Variants in DIPK2B observed in about 807,000 individuals in gnomAD.
DIPK2B encodes the protein UPF0672 protein CXorf36.
DIPK2B carries 15 observed loss-of-function variants against 22.2 expected under a neutral mutation model. The observed-to-expected ratio is 0.68, with a 90% CI of 0.45 to 1.04. DIPK2B has a LOEUF of 1.04. DIPK2B is among the 50% of genes least tolerant of loss of function. The probability of loss-of-function intolerance (pLI) is 0.00; values close to 1 mark genes in which losing one functional copy is unlikely to be tolerated. For synonymous variants in DIPK2B, 163 were observed against 153.2 expected, an observed-to-expected ratio of 1.06 and a Z score of -0.47; for missense variants, 345 against 348.3, an observed-to-expected ratio of 0.99 and a Z score of 0.08.
At chrX:45,184,356 G>T (rs764228630) in intron 2 of DIPK2B, among the ~76,000 whole-genome samples, 4 of 111,811 alleles carry the variant, frequency 3.6e-5, no homozygotes, top group African/African-American at 1.3e-4. Context: ...TGTATGATAC[G>T]GTAGATGACC....
chrX:45,200,487 G>T (rs973782091), intron 1 of DIPK2B, 107 bp downstream of exon 1: 1 of 754,696 alleles, frequency 1.3e-6, no homozygotes. Context: ...ATTTGTTTCA[G>T]CTCCCACCCA....
intron 2 of DIPK2B, among the ~76,000 whole-genome samples, chrX:45,180,642 C>T (rs1449884041): frequency 9.0e-6 from 1 of 111,546 alleles, no homozygotes; most frequent in African/African-American, 3.3e-5. Flanking sequence ...GTAAATTTAA[C>T]AAGATTGTTG....
intron 2 of DIPK2B, among the ~76,000 whole-genome samples, chrX:45,172,863 A>G (rs1337582206): frequency 2.7e-5 from 3 of 111,839 alleles, no homozygotes; most frequent in Non-Finnish European, 5.6e-5. Context: ...CAGGAAACCA[A>G]GTGCTTCTGA....
intron 2 of DIPK2B, among the ~76,000 whole-genome samples, chrX:45,172,323 A>G (rs1197686498): frequency 1.8e-5 from 2 of 111,880 alleles, no homozygotes; most frequent in Non-Finnish European, 3.8e-5. Context: ...GTAAGTGACC[A>G]TCTTAGCTGA....
At chrX:45,170,345 C>T (rs2047074344) in intron 2 of DIPK2B, among the ~76,000 whole-genome samples, 1 of 111,609 alleles carries the variant, frequency 9.0e-6, no homozygotes, top group African/African-American at 3.3e-5. Context: ...GGTGGCCAGG[C>T]CACTGGCACT....
At chrX:45,162,656 A>G (rs2148336337) in intron 2 of DIPK2B, 1 of 753,000 alleles carries the variant, frequency 1.3e-6, no homozygotes, top group South Asian at 6.8e-5. Context: ...GGAGTTTCTA[A>G]ATCACTTCTC....
chrX:45,175,473 A>C (rs769415695), intron 2 of DIPK2B, among the ~76,000 whole-genome samples: 1 of 108,899 alleles, frequency 9.2e-6, no homozygotes, highest in South Asian at 4.0e-4. Flanking sequence ...TAGAAAAAAG[A>C]CTAGAAGAAA....
chrX:45,193,881 T>C (rs775666313), intron 1 of DIPK2B, among the ~76,000 whole-genome samples: 77 of 110,898 alleles, frequency 6.9e-4, no homozygotes, highest in African/African-American at 2.5e-3. Flanking sequence ...CTGCAGCTGC[T>C]CCTGCTCATG....
At chrX:45,172,984 G>C (rs941896804) in intron 2 of DIPK2B, among the ~76,000 whole-genome samples, 2 of 111,567 alleles carry the variant, frequency 1.8e-5, no homozygotes, top group Non-Finnish European at 3.8e-5. Context: ...TGATTGTCAG[G>C]AAAACCCTCA....
chrX:45,162,227 C>T (rs985724321), intron 2 of DIPK2B: 1 of 245,336 alleles, frequency 4.1e-6, no homozygotes, highest in Non-Finnish European at 5.7e-6. Flanking sequence ...ACCACCCCAG[C>T]TGATGCCATG....
chrX:45,189,983 G>A (rs189217156), intron 2 of DIPK2B, among the ~76,000 whole-genome samples: 1 of 112,033 alleles, frequency 8.9e-6, no homozygotes, highest in East Asian at 2.8e-4. Flanking sequence ...TGCTGTTTTG[G>A]CAGAAAGAAG....
intron 1 of DIPK2B, among the ~76,000 whole-genome samples, chrX:45,200,208 C>A (rs2047260010): frequency 9.0e-6 from 1 of 111,511 alleles, no homozygotes; most frequent in Admixed American, 9.6e-5. Context: ...AGCTTACCAC[C>A]TCAATAATGG....
chrX:45,163,570 C>T, intron 2 of DIPK2B: 1 of 754,280 alleles, frequency 1.3e-6, no homozygotes. Context: ...AAAACATCAC[C>T]AGCAATCAGC....
At chrX:45,192,276 A>G (rs1241204146) in intron 1 of DIPK2B, among the ~76,000 whole-genome samples, 1 of 112,099 alleles carries the variant, frequency 8.9e-6, no homozygotes, top group Non-Finnish European at 1.9e-5. Flanking sequence ...AAGACTAGCC[A>G]TAGCTCTCTG....
In DIPK2B at chrX:45,186,906, G is replaced by A. The variant is rs190676332; in HGVS notation, c.498+4845C>T. Among the ~76,000 whole-genome samples the A allele has an allele frequency of 3.3e-3, 368 of 112,455 alleles. 3 individuals are homozygous for A. The highest frequency in any genetic ancestry group is 0.011 in the African/African-American group (345 of 30,936). On this transcript the variant is annotated intron_variant, in intron 2 of 4. Transcript: ENST00000398000. ...TTTTGAGTTACATTTAAACAAAAGT[G>A]AATTTCACTTGTTTACTAGTTCATC...
chrX:45,183,137 T>C (rs1051011759), intron 2 of DIPK2B: 4 of 112,365 alleles, frequency 3.6e-5, no homozygotes, highest in Non-Finnish European at 7.5e-5. Context: ...AATAGCTATA[T>C]GTTACAAAGC....
chrX:45,200,167 C>A (rs4498684), intron 1 of DIPK2B, among the ~76,000 whole-genome samples: 18,637 of 111,077 alleles, frequency 0.17, 1,274 homozygotes, highest in Middle Eastern at 0.24. Flanking sequence ...CCATTTCCCC[C>A]CACTGAAGTC....
At chrX:45,177,112 A>G (rs1264833325) in intron 2 of DIPK2B, among the ~76,000 whole-genome samples, 2 of 109,829 alleles carry the variant, frequency 1.8e-5, no homozygotes, top group South Asian at 8.1e-4. Flanking sequence ...AGCCTGGGCA[A>G]CATGGCAAGA....
At chrX:45,166,752 T>C (rs935758429) in intron 2 of DIPK2B, among the ~76,000 whole-genome samples, 1 of 112,230 alleles carries the variant, frequency 8.9e-6, no homozygotes. Flanking sequence ...GAACATGAAC[T>C]CCTCTTAGAA....
Sources: gnomAD v4.1 joint callset for allele counts (sites outside exome capture counted in the v4.1 genomes callset) on GRCh38, gnomAD v4.1.1 for gene constraint, MANE v1.5 for transcripts, NCBI Gene and HGNC (gene_info 2026-07-23, HGNC 2026-07-21) for gene names.